The following SND1 variants were observed in gnomAD, a reference collection of about 807,000 sequenced individuals.
SND1 encodes staphylococcal nuclease and tudor domain containing 1.
A neutral mutation model predicts 121.7 loss-of-function variants in SND1; 38 were observed. The ratio of observed to expected loss-of-function variants is 0.31; its 90% CI spans 0.24 to 0.41. The LOEUF is 0.41. SND1 is among the 10% of genes least tolerant of loss of function. The probability of loss-of-function intolerance (pLI) is 1.00; values close to 1 mark genes in which losing one functional copy is unlikely to be tolerated. For synonymous variants in SND1, 401 were observed against 447.4 expected (o/e 0.90, Z 1.31); for missense variants, 868 against 1,184.6 (o/e 0.73, Z 3.92).
At chr7:127,809,324 A>G (rs1182462029) in intron 11 of SND1, among the ~76,000 whole-genome samples, 1 of 152,220 alleles carries the variant, frequency 6.6e-6, no homozygotes, top group Non-Finnish European at 1.5e-5. Flanking sequence ...ACATTGTATA[A>G]ATGATGAATA....
intron 12 of SND1, among the ~76,000 whole-genome samples, chr7:127,875,610 C>T (rs1799673823): frequency 6.6e-6 from 1 of 152,146 alleles, no homozygotes; most frequent in African/African-American, 2.4e-5. Flanking sequence ...CTAATCATGG[C>T]TCTGCCACTT....
intron 8 of SND1, among the ~76,000 whole-genome samples, chr7:127,705,765 C>T (rs1796181628): frequency 1.3e-5 from 2 of 152,180 alleles, no homozygotes; most frequent in African/African-American, 4.8e-5. Flanking sequence ...GCAAAGACAA[C>T]ACACAGCTGA....
intron 15 of SND1, among the ~76,000 whole-genome samples, chr7:127,988,895 G>A (rs2116913489): frequency 6.6e-6 from 1 of 152,310 alleles, no homozygotes; most frequent in South Asian, 2.1e-4. Context: ...CATTATGCCT[G>A]TTTCTGCAAC....
intron 10 of SND1, among the ~76,000 whole-genome samples, chr7:127,778,111 A>T (rs1797653198): frequency 6.6e-6 from 1 of 152,144 alleles, no homozygotes; most frequent in African/African-American, 2.4e-5. Context: ...CTTACCTTCC[A>T]TCTAGAGTTT....
chr7:127,798,525 G>T (rs1039107667), intron 10 of SND1, among the ~76,000 whole-genome samples: 8 of 152,030 alleles, frequency 5.3e-5, no homozygotes, highest in Non-Finnish European at 7.4e-5. Flanking sequence ...TGTCTTATTT[G>T]TATAGAAGTT....
chr7:127,877,670 G>C (rs559430738), intron 12 of SND1, among the ~76,000 whole-genome samples: 2 of 151,830 alleles, frequency 1.3e-5, no homozygotes, highest in Non-Finnish European at 2.9e-5. Flanking sequence ...TGAGCTCAAG[G>C]GATCCACCCA....
chr7:127,909,044 T>C (rs368364465), intron 14 of SND1, among the ~76,000 whole-genome samples: 4 of 152,200 alleles, frequency 2.6e-5, no homozygotes, highest in African/African-American at 7.2e-5. Flanking sequence ...CTTCCTCTTA[T>C]ATGGGAGTAG....
intron 16 of SND1, among the ~76,000 whole-genome samples, chr7:128,010,766 A>C (rs998766647): frequency 2.6e-5 from 4 of 152,336 alleles, no homozygotes; most frequent in African/African-American, 9.6e-5. Flanking sequence ...AGTTACCTGA[A>C]GTATGCAGAT....
chr7:127,709,330 G>A (rs1016146467), intron 9 of SND1, among the ~76,000 whole-genome samples: 6 of 152,166 alleles, frequency 3.9e-5, no homozygotes, highest in Admixed American at 2.0e-4. Context: ...AAGGGAGGCA[G>A]GCCTTCAATT....
chr7:127,783,709 A>AC (rs1272021363), intron 10 of SND1, among the ~76,000 whole-genome samples: 2 of 151,844 alleles, frequency 1.3e-5, no homozygotes, highest in Admixed American at 6.6e-5. Flanking sequence ...ATTTTATGAG[A>AC]AAAAAAAATT....
intron 10 of SND1, among the ~76,000 whole-genome samples, chr7:127,770,151 C>T (rs572803845): frequency 1.3e-5 from 2 of 152,326 alleles, no homozygotes; most frequent in South Asian, 4.1e-4. Context: ...ATTGTGTGCA[C>T]TCATTGCTTA....
intron 10 of SND1, among the ~76,000 whole-genome samples, chr7:127,780,746 A>C (rs1797705247): frequency 6.6e-6 from 1 of 152,344 alleles, no homozygotes; most frequent in Non-Finnish European, 1.5e-5. Context: ...CAAATTAGAC[A>C]ATGAGAAGAA....
chr7:128,091,839 C>T lies in SND1; in HGVS notation c.2625C>T (p.Ile875=), dbSNP rs762876745. The T allele has an allele frequency of 3.7e-6, 6 of 1,614,152 alleles. No individual in the cohort carries two copies. The Admixed American group carries it at 1.0e-4, about 27-fold the overall frequency. Reference sequence around the variant, plus strand: ...CCTTTCTTCTCTCGTCCCTCCAGATCACAGAATACCTGAATGCCCAAGAGT... The same window carrying T: ...CCTTTCTTCTCTCGTCCCTCCAGATTACAGAATACCTGAATGCCCAAGAGT... ...VRKEKQFQKV[I]TEYLNAQESA... is the part of the protein sequence containing the mutation. The change falls in exon 23 of 24, where the codon ATC becomes ATT. Residue 875 remains isoleucine, a splice_region_variant and synonymous_variant. Coordinates refer to ENST00000354725, the MANE Select transcript of SND1 (RefSeq NM_014390.4).
chr7:128,081,569 G>C, intron 18 of SND1, 68 bp downstream of exon 18: 2 of 1,586,630 alleles, frequency 1.3e-6, no homozygotes, highest in Non-Finnish European at 1.7e-6. Flanking sequence ...GGGGTAGGGG[G>C]CCTCTGCCCA....
chr7:127,867,869 T>C (rs148536081), intron 12 of SND1, among the ~76,000 whole-genome samples: 327 of 151,028 alleles, frequency 2.2e-3, no homozygotes, highest in Admixed American at 5.1e-3. Context: ...TGTTTATATT[T>C]ACATTCCCTG....
At chr7:127,973,853 T>C (rs1434400552) in intron 15 of SND1, among the ~76,000 whole-genome samples, 2 of 152,240 alleles carry the variant, frequency 1.3e-5, no homozygotes, top group Non-Finnish European at 2.9e-5. Context: ...CCTTTGTTTC[T>C]AAAGCAGCCC....
intron 16 of SND1, chr7:128,030,529 C>T: frequency 6.2e-7 from 1 of 1,613,374 alleles, no homozygotes; most frequent in Non-Finnish European, 8.5e-7. Context: ...GCTGAGGCGG[C>T]AGCAGCGATG....
chr7:128,078,764 C>A (rs1793549512), intron 17 of SND1, among the ~76,000 whole-genome samples: 1 of 152,258 alleles, frequency 6.6e-6, no homozygotes, highest in African/African-American at 2.4e-5. Context: ...GGGCCGCCTT[C>A]CCCCAAGCCA....
chr7:128,032,552 C>G (rs1792659137), intron 16 of SND1, among the ~76,000 whole-genome samples: 1 of 151,866 alleles, frequency 6.6e-6, no homozygotes, highest in Admixed American at 6.6e-5. Context: ...CCGGCCCGCA[C>G]CCGGGGCCCC....
Sources: allele counts gnomAD v4.1 joint callset (sites outside exome capture counted in the v4.1 genomes callset), GRCh38; gene constraint gnomAD v4.1.1; transcripts MANE v1.5; gene names NCBI Gene and HGNC (gene_info 2026-07-23, HGNC 2026-07-21).